The following PLAA variants were observed in gnomAD, a reference collection of about 807,000 sequenced individuals.
PLAA encodes phospholipase A-2-activating protein.
PLAA carries 48 observed loss-of-function variants against 84.1 expected under a neutral mutation model. The ratio of observed to expected loss-of-function variants is 0.57; its 90% CI spans 0.45 to 0.73. The LOEUF (loss-of-function observed/expected upper bound fraction) is 0.73. PLAA is among the 30% of genes least tolerant of loss of function. The pLI, the probability that PLAA is intolerant of heterozygous loss-of-function variation, is 0.00. For missense variants in PLAA, 903 were observed against 954.7 expected, an observed-to-expected ratio of 0.95 and a Z score of 0.71; for synonymous variants, 392 against 336.6, an observed-to-expected ratio of 1.16 and a Z score of -1.80.
rs575547796 is a variant in PLAA, at chr9:26,941,490, G to A, written c.149+5407C>T. On this transcript the variant is annotated intron_variant, in intron 1 of 13. Transcript: ENST00000397292. ...CCCATCCAGGAGCACAGATCTCCCAGGAGCTTCTTAATTCTCTACCCATAA... is the reference window on the plus strand; with the variant it reads ...CCCATCCAGGAGCACAGATCTCCCAAGAGCTTCTTAATTCTCTACCCATAA... Among the ~76,000 whole-genome samples the A allele has an allele frequency of 2.9e-3, 444 of 152,154 alleles. 4 individuals carry two copies. Among genetic ancestry groups the A allele is most frequent in the African/African-American group, 0.01 (432 of 41,506 alleles).
intron 11 of PLAA, among the ~76,000 whole-genome samples, chr9:26,912,035 A>G (rs1457515132): frequency 6.6e-6 from 1 of 152,230 alleles, no homozygotes; most frequent in Non-Finnish European, 1.5e-5. Context: ...TATTAATCAA[A>G]TATCATCCAA....
At chr9:26,925,359 T>C (rs1277919808) in intron 6 of PLAA, among the ~76,000 whole-genome samples, 1 of 152,248 alleles carries the variant, frequency 6.6e-6, no homozygotes, top group Non-Finnish European at 1.5e-5. Flanking sequence ...CCATTGTACC[T>C]ATTATCTCAG....
intron 1 of PLAA, among the ~76,000 whole-genome samples, chr9:26,946,091 T>C (rs1041117579): frequency 6.6e-6 from 1 of 152,188 alleles, no homozygotes; most frequent in African/African-American, 2.4e-5. Flanking sequence ...TTATGGATGG[T>C]GACTCAAATT....
chr9:26,925,916 G>A lies in PLAA; in HGVS notation c.778C>T (p.His260Tyr). 3 of 1,613,324 alleles carry A rather than the reference G, an allele frequency of 1.9e-6. No homozygotes were observed. The highest frequency in any genetic ancestry group is 2.5e-6 in the Non-Finnish European group (3 of 1,179,296). ...AEDRSLRIWK[H>Y]GECAQTIRLP... is the part of the protein sequence containing the mutation. The stretch of plus-strand genomic sequence containing the variant: ...CGGATAGTTTGAGCACATTCCCCAT[G>A]TTTCCAGATTCTCAGAGATCTGTCC... Residue 260 changes from histidine (H) to tyrosine (Y), a missense_variant, in exon 6 of 14, where the codon CAT becomes TAT. His to Tyr is a moderately conservative substitution (Grantham distance 83, BLOSUM62 2). Transcript: ENST00000397292.
chr9:26,911,640 C>T (rs1441125529), intron 11 of PLAA, among the ~76,000 whole-genome samples: 2 of 152,122 alleles, frequency 1.3e-5, no homozygotes, highest in African/African-American at 4.8e-5. Flanking sequence ...ATTATATTAA[C>T]AGAAACTCAG....
At chr9:26,919,209 G>A (rs1824671844) in intron 9 of PLAA, 101 bp downstream of exon 9, 6 of 636,788 alleles carry the variant, frequency 9.4e-6, no homozygotes, top group South Asian at 9.0e-5. Context: ...GTAGATATTG[G>A]TATTTATTGA....
At chr9:26,938,196 T>C (rs982354171) in intron 1 of PLAA, among the ~76,000 whole-genome samples, 5 of 152,148 alleles carry the variant, frequency 3.3e-5, no homozygotes, top group Non-Finnish European at 7.4e-5. Flanking sequence ...ATATAATTAG[T>C]AGATTTCTCA....
intron 10 of PLAA, among the ~76,000 whole-genome samples, chr9:26,914,248 T>C (rs112278418): frequency 0.069 from 10,541 of 152,242 alleles, 503 homozygotes; most frequent in African/African-American, 0.14. Flanking sequence ...GTGAACACTA[T>C]TCTATTGAAG....
At chr9:26,943,610 G>A (rs969108398) in intron 1 of PLAA, among the ~76,000 whole-genome samples, 9 of 152,162 alleles carry the variant, frequency 5.9e-5, no homozygotes, top group Admixed American at 2.6e-4. Flanking sequence ...TTTCATTTAC[G>A]ACTTCACTCC....
At chr9:26,919,600 T>A in intron 8 of PLAA, 71 bp from the exon 9 acceptor site, 1 of 820,750 alleles carries the variant, frequency 1.2e-6, no homozygotes, top group Non-Finnish European at 2.0e-6. Context: ...ATATACAACA[T>A]AACACAGATG....
chr9:26,941,083 T>C (rs1365242836), intron 1 of PLAA, among the ~76,000 whole-genome samples: 1 of 149,484 alleles, frequency 6.7e-6, no homozygotes, highest in Non-Finnish European at 1.5e-5. Flanking sequence ...CCCAAGTCCC[T>C]AGCACAATGT....
intron 11 of PLAA, among the ~76,000 whole-genome samples, chr9:26,912,747 G>A (rs1425938370): frequency 1.3e-5 from 2 of 152,030 alleles, no homozygotes; most frequent in Admixed American, 1.3e-4. Flanking sequence ...TTGCAAATGA[G>A]AAAAACAAAA....
At chr9:26,938,478 G>A (rs1249828462) in intron 1 of PLAA, among the ~76,000 whole-genome samples, 1 of 151,714 alleles carries the variant, frequency 6.6e-6, no homozygotes, top group East Asian at 1.9e-4. Context: ...CTTGAGCCTG[G>A]GAGTTTGAGA....
chr9:26,920,116 T>C (rs913872916), intron 8 of PLAA, 111 bp downstream of exon 8: 1 of 796,154 alleles, frequency 1.3e-6, no homozygotes, highest in African/African-American at 1.7e-5. Flanking sequence ...CCCACAGTAA[T>C]GGATTTTTAA....
At position 26,946,962 on chromosome 9, in the gene PLAA, G is replaced by A. The variant is rs1164591748; in HGVS notation, c.84C>T (p.Ala28=). The change falls in exon 1 of 14, where the codon GCC becomes GCT. Residue 28 remains alanine, a synonymous_variant. Coordinates refer to ENST00000397292, the MANE Select transcript of PLAA (RefSeq NM_001031689.3). ...ELDVRGLVCC[A]YPPGAFVSVS... ...CGGACACAAAGGCTCCCGGCGGATAGGCGCAGCACACCAGGCCCCGTACGT... is the reference window on the plus strand; with the variant it reads ...CGGACACAAAGGCTCCCGGCGGATAAGCGCAGCACACCAGGCCCCGTACGT... 3.1e-6 allele frequency: 5 copies of A among 1,590,506 alleles called. No individual in the cohort carries two copies. The highest frequency in any genetic ancestry group is 1.1e-5 in the South Asian group (1 of 87,562).
chr9:26,940,293 T>C (rs1290244384), intron 1 of PLAA, among the ~76,000 whole-genome samples: 1 of 152,216 alleles, frequency 6.6e-6, no homozygotes, highest in African/African-American at 2.4e-5. Flanking sequence ...AAATGTGGTA[T>C]AAACATGAAA....
Position 26,926,816 on chromosome 9 carries a change from G to C in PLAA, c.566-256C>G, listed in dbSNP as rs1028346160. Among the ~76,000 whole-genome samples, 3 of 151,718 alleles carry C rather than the reference G, an allele frequency of 2.0e-5. No individual in the cohort carries two copies. The South Asian group carries it at 6.2e-4, about 32-fold the overall frequency. On this transcript the variant is annotated intron_variant, in intron 4 of 13. Coordinates refer to ENST00000397292, the MANE Select transcript of PLAA (RefSeq NM_001031689.3). ...CAAAAACCTCCAGAAATAGTATTTT[G>C]ACCCCAATAATTTGTTTTCACCTGA...
chr9:26,920,309 C>T lies in PLAA; in HGVS notation c.1115G>A (p.Gly372Glu), dbSNP rs558228832. 33 of 1,613,588 alleles carry T rather than the reference C, an allele frequency of 2.0e-5. No homozygotes were observed. In the South Asian group the frequency reaches 3.3e-4, roughly 16 times the overall value. ...AACATCACCAATTTTTATCCACCTCCCTTCACTAACACTCCACTGATAGGC... is the reference window on the plus strand; with the variant it reads ...AACATCACCAATTTTTATCCACCTCTCTTCACTAACACTCCACTGATAGGC... ...VEAYQWSVSEGRWIKIGDVVG... is the reference protein window; with the variant it reads ...VEAYQWSVSEERWIKIGDVVG... Residue 372 changes from glycine (G) to glutamate (E), a missense_variant, in exon 8 of 14, where the codon GGG becomes GAG. Coordinates refer to ENST00000397292, the MANE Select transcript of PLAA (RefSeq NM_001031689.3).
chr9:26,947,219 C>A lies in PLAA; in HGVS notation c.-174G>T, dbSNP rs1286637752. ...GGCGGCTGGGAAGGGGCGCGCCGAG[C>A]GGGCCGAGTGACACAGCAAGCCTGA... On this transcript the variant is annotated 5_prime_UTR_variant, in exon 1 of 14. Transcript: ENST00000397292. 1.6e-5 allele frequency: 11 copies of A among 689,670 alleles called. No homozygotes were observed. In the African/African-American group the frequency reaches 1.7e-4, roughly 11 times the overall value. 42.7% of individuals were successfully genotyped at this position (689,670 alleles called of 1,614,324 possible). A position where few individuals can be genotyped will look rare whatever the true frequency, so the allele number is the denominator to read the frequency against.
Sources: allele counts gnomAD v4.1 joint callset (sites outside exome capture counted in the v4.1 genomes callset), GRCh38; gene constraint gnomAD v4.1.1; transcripts MANE v1.5; gene names NCBI Gene and HGNC (gene_info 2026-07-23, HGNC 2026-07-21).